The following VPS54 variants were observed in gnomAD, a reference collection of about 807,000 sequenced individuals.
VPS54 encodes the protein vacuolar protein sorting-associated protein 54.
A neutral mutation model predicts 121.5 loss-of-function variants in VPS54; 45 were observed. The ratio of observed to expected loss-of-function variants is 0.37; its 90% CI spans 0.29 to 0.47. VPS54 has a LOEUF of 0.47. Among genes scored for constraint, VPS54 ranks in the 20% least tolerant of loss-of-function variants. The pLI, the probability that VPS54 is intolerant of heterozygous loss-of-function variation, is 0.99. For missense variants in VPS54, 1,090 were observed against 1,131.4 expected, an observed-to-expected ratio of 0.96 and a Z score of 0.52; for synonymous variants, 371 against 385.8, an observed-to-expected ratio of 0.96 and a Z score of 0.45.
intron 1 of VPS54, among the ~76,000 whole-genome samples, chr2:64,000,369 T>A (rs998396441): frequency 5.9e-5 from 9 of 152,266 alleles, no homozygotes; most frequent in African/African-American, 2.2e-4. Context: ...CACATAACTC[T>A]GTTTCTCCAG....
chr2:63,943,138 G>A (rs949752136), intron 10 of VPS54, among the ~76,000 whole-genome samples: 4 of 152,062 alleles, frequency 2.6e-5, no homozygotes, highest in Non-Finnish European at 5.9e-5. Context: ...AAAATACTTA[G>A]AACAATTCAT....
At chr2:64,001,292 A>C (rs1677864936) in intron 1 of VPS54, among the ~76,000 whole-genome samples, 1 of 152,200 alleles carries the variant, frequency 6.6e-6, no homozygotes, top group African/African-American at 2.4e-5. Flanking sequence ...GGTCCAGGGC[A>C]GGTCCAGAAA....
intron 4 of VPS54, 34 bp downstream of exon 4, chr2:63,972,132 T>C (rs924831508): frequency 7.4e-7 from 1 of 1,353,322 alleles, no homozygotes; most frequent in Non-Finnish European, 1.0e-6. Flanking sequence ...ATTTATGCTA[T>C]GCTTTATTAT....
chr2:63,946,391 G>A (rs2104520184), intron 9 of VPS54, among the ~76,000 whole-genome samples: 1 of 152,172 alleles, frequency 6.6e-6, no homozygotes, highest in East Asian at 1.9e-4. Flanking sequence ...TCTGTTGGGT[G>A]CATACCTAGG....
chr2:63,923,423 A>G (rs1459446225), intron 12 of VPS54, among the ~76,000 whole-genome samples: 1 of 152,242 alleles, frequency 6.6e-6, no homozygotes, highest in Non-Finnish European at 1.5e-5. Context: ...TTCTGGGTAT[A>G]TATCCAAAAT....
intron 20 of VPS54, among the ~76,000 whole-genome samples, chr2:63,902,503 A>G (rs1280502642): frequency 6.6e-6 from 1 of 152,088 alleles, no homozygotes; most frequent in Admixed American, 6.6e-5. Flanking sequence ...CATAAACACT[A>G]TTTACCTCAC....
chr2:63,904,153 T>C (rs1470057482), intron 20 of VPS54, among the ~76,000 whole-genome samples: 2 of 152,036 alleles, frequency 1.3e-5, no homozygotes, highest in African/African-American at 4.8e-5. Flanking sequence ...AAAAAGGATA[T>C]CACAGGCCGG....
chr2:63,976,350 CAAAAAAA>C, intron 3 of VPS54, among the ~76,000 whole-genome samples: 1 of 93,954 alleles, frequency 1.1e-5, no homozygotes, highest in Admixed American at 1.1e-4. Context: ...GACCTTGTCT[CAAAAAAA>C]AAAAAAACAA....
intron 1 of VPS54, among the ~76,000 whole-genome samples, chr2:64,014,849 A>G (rs1385437493): frequency 6.6e-6 from 1 of 152,222 alleles, no homozygotes. Flanking sequence ...TAACTTATCC[A>G]TAAGGTATGG....
intron 12 of VPS54, among the ~76,000 whole-genome samples, chr2:63,931,451 T>C (rs1250543467): frequency 6.6e-6 from 1 of 152,134 alleles, no homozygotes; most frequent in Non-Finnish European, 1.5e-5. Context: ...TGGCTAGCCA[T>C]ATGCAGAAAA....
At chr2:63,926,209 T>C (rs1031766017) in intron 12 of VPS54, among the ~76,000 whole-genome samples, 8 of 152,170 alleles carry the variant, frequency 5.3e-5, no homozygotes, top group Admixed American at 3.9e-4. Context: ...CACATGAGAA[T>C]GGTAGAACTG....
intron 11 of VPS54, among the ~76,000 whole-genome samples, chr2:63,938,059 G>GGTGTGTGTGGTGT (rs1553475196): frequency 1.4e-5 from 2 of 140,384 alleles, no homozygotes; most frequent in Admixed American, 1.4e-4. Context: ...TGGTGTGTGT[G>GGTGTGTGTGGTGT]GTGTGTGTGT....
intron 1 of VPS54, among the ~76,000 whole-genome samples, chr2:63,989,644 GA>G (rs911317214): frequency 2.2e-4 from 34 of 152,318 alleles, no homozygotes; most frequent in African/African-American, 8.2e-4. Flanking sequence ...TCGGTCCACA[GA>G]AATGCTTGTT....
Position 63,912,518 on chromosome 2 carries a change from T to C in VPS54, c.2544+22A>G, listed in dbSNP as rs1392737730. 5.0e-6 allele frequency: 8 copies of C among 1,611,886 alleles called. No individual in the cohort carries two copies. In the African/African-American group the frequency reaches 6.7e-5, roughly 13 times the overall value. ...AGGATCTAAACTTATGAAACGCCAA[T>C]AGAAAATATATGAAAAAGTACCTTA... On this transcript the variant is annotated intron_variant, in intron 19 of 22. Coordinates refer to ENST00000272322, the MANE Select transcript of VPS54 (RefSeq NM_016516.3).
chr2:63,966,009 T>G, intron 5 of VPS54, 43 bp from the exon 6 acceptor site: 1 of 1,574,904 alleles, frequency 6.3e-7, no homozygotes, highest in East Asian at 2.3e-5. Flanking sequence ...AAGTATTTTC[T>G]TTATACCCAT....
At chr2:63,984,633 ATAG>A (rs1315385950) in intron 1 of VPS54, among the ~76,000 whole-genome samples, 3 of 149,422 alleles carry the variant, frequency 2.0e-5, no homozygotes, top group African/African-American at 7.3e-5. Context: ...TAAAAAATAA[ATAG>A]TAATTAAATT....
At chr2:63,925,964 G>C (rs1228305194) in intron 12 of VPS54, among the ~76,000 whole-genome samples, 1 of 152,202 alleles carries the variant, frequency 6.6e-6, no homozygotes, top group Non-Finnish European at 1.5e-5. Flanking sequence ...TTTCCCATAT[G>C]TGCCTTATGT....
chr2:63,984,922 T>C (rs911805895), intron 1 of VPS54, among the ~76,000 whole-genome samples: 4 of 152,036 alleles, frequency 2.6e-5, no homozygotes, highest in Non-Finnish European at 4.4e-5. Context: ...CAGAGAAGAA[T>C]AGAAAGGCCC....
At chr2:64,005,626 G>A (rs1364919830) in intron 1 of VPS54, among the ~76,000 whole-genome samples, 2 of 152,172 alleles carry the variant, frequency 1.3e-5, no homozygotes, top group African/African-American at 4.8e-5. Flanking sequence ...TTAGGGCAGA[G>A]TTTTTCAACT....
Sources: allele counts gnomAD v4.1 joint callset (sites outside exome capture counted in the v4.1 genomes callset), GRCh38; gene constraint gnomAD v4.1.1; transcripts MANE v1.5; gene names NCBI Gene and HGNC (gene_info 2026-07-23, HGNC 2026-07-21).